TRIM49C: variants seen among roughly 807,000 people sequenced by gnomAD.
TRIM49C encodes the protein tripartite motif containing 49C, also known as tripartite motif-containing protein 49C.
A neutral mutation model predicts 21.4 loss-of-function variants in TRIM49C; 6 were observed. The ratio of observed to expected loss-of-function variants is 0.28; its 90% CI spans 0.15 to 0.55. TRIM49C has a LOEUF of 0.55. Ranked by LOEUF, TRIM49C falls within the 20% of genes least tolerant of loss-of-function variation. The pLI, the probability that TRIM49C is intolerant of heterozygous loss-of-function variation, is 0.94. For missense variants in TRIM49C, 161 were observed against 442.4 expected (o/e 0.36, Z 5.71); for synonymous variants, 57 against 148.1 (o/e 0.38, Z 4.47).
At chr11:90,050,229 G>A in the TRIM49C span, 4 of 62,476 alleles carry the variant, frequency 6.4e-5, no homozygotes, top group African/African-American at 2.9e-4. Context: ...TCGCAGCAGG[G>A]ATAGCCAGCT....
intron 4 of TRIM49C, among the ~76,000 whole-genome samples, chr11:90,036,858 G>A (rs1184707921): frequency 1.5e-5 from 2 of 137,544 alleles, no homozygotes; most frequent in Non-Finnish European, 3.1e-5. Context: ...TTTTGTTGGA[G>A]AATAATCAAG....
Position 90,041,380 on chromosome 11 carries a change from C to T in TRIM49C, c.1189C>T (p.Leu397Phe). The T allele has an allele frequency of 1.3e-6, 2 of 1,588,028 alleles. No individual in the cohort carries two copies. Among genetic ancestry groups the T allele is most frequent in the Non-Finnish European group, 1.7e-6 (2 of 1,164,158 alleles). ...IQCSLFTTSP[L>F]MLQYIPKPTS... Reference sequence around the variant, plus strand: ...ATGCAGTCTCTTTACCACCTCCCCACTTATGCTGCAATATATCCCAAAACC... The same window carrying T: ...ATGCAGTCTCTTTACCACCTCCCCATTTATGCTGCAATATATCCCAAAACC... Residue 397 changes from leucine (L) to phenylalanine (F), a missense_variant, in exon 8 of 8, where the codon CTT (leucine) becomes TTT (phenylalanine). By Grantham distance (22) the Leu-to-Phe change is conservative (BLOSUM62 0). Coordinates refer to ENST00000448984, the MANE Select transcript of TRIM49C (RefSeq NM_001195234.1).
At chr11:90,035,120 GA>G in intron 2 of TRIM49C, 87 bp from the exon 3 acceptor site, 2 of 1,495,084 alleles carry the variant, frequency 1.3e-6, no homozygotes, top group Non-Finnish European at 1.8e-6. Context: ...GTCAAGAGAA[GA>G]AAATATAACT....
chr11:90,055,891 G>A, the TRIM49C span, among the ~76,000 whole-genome samples: 52 of 138,862 alleles, frequency 3.7e-4, 1 homozygote, highest in African/African-American at 9.6e-4. Flanking sequence ...CAGGTAAGCC[G>A]GTGCCCTAGG....
intron 5 of TRIM49C, among the ~76,000 whole-genome samples, chr11:90,038,403 G>A (rs1243758988): frequency 1.8e-5 from 2 of 109,864 alleles, no homozygotes; most frequent in African/African-American, 6.4e-5. Flanking sequence ...TTCAGTTAAA[G>A]ATGACTGAGT....
downstream of TRIM49C, among the ~76,000 whole-genome samples, chr11:90,046,912 T>C (rs1176377524): frequency 1.6e-5 from 2 of 125,670 alleles, 1 homozygote; most frequent in African/African-American, 6.4e-5. Flanking sequence ...TTTAGTGCTA[T>C]AAATTTCCCT....
At chr11:90,060,302 A>G in the TRIM49C span, among the ~76,000 whole-genome samples, 3 of 146,648 alleles carry the variant, frequency 2.0e-5, no homozygotes, top group African/African-American at 7.5e-5. Context: ...AATGTTAATT[A>G]TGAGAGATTT....
intron 6 of TRIM49C, among the ~76,000 whole-genome samples, chr11:90,039,081 G>T (rs1449350332): frequency 7.4e-6 from 1 of 134,462 alleles, no homozygotes; most frequent in Non-Finnish European, 1.6e-5. Context: ...CACCACACCC[G>T]GCTAATTTTT....
chr11:90,041,264 G>T lies in TRIM49C; in HGVS notation c.1073G>T (p.Cys358Phe). 2 of 1,576,108 alleles carry T rather than the reference G, an allele frequency of 1.3e-6. No homozygotes were observed. The highest frequency in any genetic ancestry group is 1.7e-6 in the Non-Finnish European group (2 of 1,155,668). ...TCCTGGAATTGGGCTTTTGGTGTCT[G>T]TAATATGTATCGGAAGGAGAAGAAT... ...GDSWNWAFGV[C>F]NMYRKEKNQN... The change falls in exon 8 of 8, where the codon TGT becomes TTT. Residue 358 changes from cysteine to phenylalanine, a missense_variant. Cys to Phe is a radical substitution (Grantham distance 205, BLOSUM62 -2). Around this residue, in one of 3 missense-constraint regions of TRIM49C, gnomAD observed 63 missense variants for 67.6 expected, o/e 0.93. Coordinates refer to ENST00000448984, the MANE Select transcript of TRIM49C (RefSeq NM_001195234.1).
the TRIM49C span, among the ~76,000 whole-genome samples, chr11:90,055,650 G>T: frequency 1.4e-3 from 204 of 149,102 alleles, no homozygotes; most frequent in African/African-American, 4.7e-3. Context: ...TAAATGCATT[G>T]TGAAAAACAC....
chr11:90,036,224 A>G (rs1030896519), intron 4 of TRIM49C, among the ~76,000 whole-genome samples: 1 of 99,778 alleles, frequency 1.0e-5, no homozygotes, highest in Non-Finnish European at 1.9e-5. Flanking sequence ...ATACAAACCT[A>G]TAGTTATACA....
the TRIM49C span, among the ~76,000 whole-genome samples, chr11:90,065,731 TG>T: frequency 0.011 from 1,587 of 139,772 alleles, 98 homozygotes; most frequent in African/African-American, 0.039. Flanking sequence ...CCCACGAGGG[TG>T]GATCACGAGG....
chr11:90,070,918 C>T, the TRIM49C span, among the ~76,000 whole-genome samples: 16 of 140,386 alleles, frequency 1.1e-4, no homozygotes, highest in African/African-American at 4.1e-4. Flanking sequence ...CTCATCCTCC[C>T]TAGTAGCTGG....
chr11:90,034,803 T>C, intron 2 of TRIM49C, among the ~76,000 whole-genome samples: 1 of 134,434 alleles, frequency 7.4e-6, no homozygotes, highest in Non-Finnish European at 1.6e-5. Context: ...CATCTTCTCA[T>C]ATTTCTTTGG....
downstream of TRIM49C, among the ~76,000 whole-genome samples, chr11:90,043,782 T>A (rs1417824330): frequency 8.9e-5 from 10 of 112,590 alleles, 4 homozygotes; most frequent in Non-Finnish European, 1.8e-4. Context: ...GAAAGTTTGA[T>A]TTTTTTTTAT....
downstream of TRIM49C, among the ~76,000 whole-genome samples, chr11:90,046,279 T>G (rs1950801014): frequency 3.2e-5 from 4 of 125,812 alleles, no homozygotes; most frequent in Admixed American, 3.6e-4. Context: ...GGTATCAGGA[T>G]GATGCTGGCC....
chr11:90,034,528 T>G (rs1453586962), intron 2 of TRIM49C, among the ~76,000 whole-genome samples: 1 of 125,750 alleles, frequency 8.0e-6, no homozygotes, highest in East Asian at 2.3e-4. Flanking sequence ...CCAATATCTT[T>G]AATAATTTTT....
At chr11:90,062,805 T>G in the TRIM49C span, 35 of 1,417,344 alleles carry the variant, frequency 2.5e-5, 8 homozygotes, top group Non-Finnish European at 3.3e-5. Flanking sequence ...CACATTGGTG[T>G]TGAAGTTGGG....
At chr11:90,046,085 T>C (rs1450811545), downstream of TRIM49C, among the ~76,000 whole-genome samples, 2 of 122,106 alleles carry the variant, frequency 1.6e-5, no homozygotes, top group African/African-American at 6.6e-5. Context: ...ATTACATTTA[T>C]TGATTTGCGT....
Sources: allele counts gnomAD v4.1 joint callset (sites outside exome capture counted in the v4.1 genomes callset), GRCh38; gene constraint gnomAD v4.1.1; regional missense constraint gnomAD v4.1.1; transcripts MANE v1.5; gene names NCBI Gene and HGNC (gene_info 2026-07-23, HGNC 2026-07-21).